FOXP2: variants seen among roughly 807,000 people sequenced by gnomAD.
FOXP2 encodes the protein forkhead box P2, also known as forkhead box protein P2.
Under a neutral mutation model 115.8 loss-of-function variants are expected in FOXP2, and 12 were observed. The observed-to-expected ratio is 0.10, with a 90% CI of 0.07 to 0.17. FOXP2 has a LOEUF of 0.17. FOXP2 is among the 10% of genes least tolerant of loss of function. The pLI, the probability that FOXP2 is intolerant of heterozygous loss-of-function variation, is 1.00. For missense variants in FOXP2, 629 were observed against 843.5 expected (o/e 0.75, Z 3.15); for synonymous variants, 328 against 297.7 (o/e 1.10, Z -1.05).
upstream of FOXP2, among the ~76,000 whole-genome samples, chr7:114,087,370 C>T (rs986358747): frequency 6.6e-6 from 1 of 152,122 alleles, no homozygotes; most frequent in Non-Finnish European, 1.5e-5. Flanking sequence ...CGACCGGCTT[C>T]CCCCGGTGTC....
intron 2 of FOXP2, among the ~76,000 whole-genome samples, chr7:114,437,396 G>A (rs537674302): frequency 3.0e-4 from 46 of 152,064 alleles, no homozygotes; most frequent in Middle Eastern, 3.2e-3. Context: ...TTAGATGATC[G>A]TTACCTCTTT....
intron 1 of FOXP2, among the ~76,000 whole-genome samples, chr7:114,122,964 GT>G (rs1390439788): frequency 1.3e-5 from 2 of 151,762 alleles, no homozygotes; most frequent in Admixed American, 6.6e-5. Flanking sequence ...ATTCTGCCTT[GT>G]TTTGCAGCTG....
intron 2 of FOXP2, among the ~76,000 whole-genome samples, chr7:114,361,801 C>G (rs1416233095): frequency 1.3e-5 from 2 of 152,028 alleles, no homozygotes; most frequent in Non-Finnish European, 2.9e-5. Context: ...AAAAAAGCAG[C>G]TAAGTGGCTT....
intron 10 of FOXP2, chr7:114,656,366 A>T (rs1403759057): frequency 1.6e-5 from 3 of 188,302 alleles, no homozygotes; most frequent in African/African-American, 7.2e-5. Context: ...CATATTTTTA[A>T]CATACAAGTA....
chr7:114,670,086 T>A (rs1054858535), intron 16 of FOXP2: 8 of 152,126 alleles, frequency 5.3e-5, no homozygotes, highest in Admixed American at 1.3e-4. Flanking sequence ...TCAGATCCTT[T>A]CTTATATGTC....
intron 1 of FOXP2, among the ~76,000 whole-genome samples, chr7:114,227,023 C>G (rs1794762919): frequency 6.6e-6 from 1 of 152,064 alleles, no homozygotes; most frequent in Admixed American, 6.6e-5. Flanking sequence ...AAAAGTCAAT[C>G]TTTTTCTCCC....
At chr7:114,256,054 C>T (rs1795602657) in intron 1 of FOXP2, among the ~76,000 whole-genome samples, 1 of 152,110 alleles carries the variant, frequency 6.6e-6, no homozygotes, top group Non-Finnish European at 1.5e-5. Flanking sequence ...ACAGCAGGCT[C>T]TTGTTTCTTC....
chr7:114,086,358 C>T, upstream of FOXP2: 1 of 407,000 alleles, frequency 2.5e-6, no homozygotes, highest in Non-Finnish European at 4.9e-6. Context: ...GCGCGTGCAG[C>T]TCCGCGGCCG....
rs1792141341 is a variant in FOXP2, at chr7:114,376,553, C to G, written c.-10-49949C>G. ...TGTTCTGGACTCTAAATGTATAAAGCTGTGTTAGATTTTTTTCACACCTGG... is the reference window on the plus strand; with the variant it reads ...TGTTCTGGACTCTAAATGTATAAAGGTGTGTTAGATTTTTTTCACACCTGG... On this transcript the variant is annotated intron_variant, in intron 2 of 17. Transcript: ENST00000634411. 3.3e-5 allele frequency among the ~76,000 whole-genome samples: 5 copies of G among 152,298 alleles called. No homozygotes were observed. The South Asian group carries it at 8.3e-4, about 25-fold the overall frequency.
rs542611549 is a variant in FOXP2, at chr7:114,333,660, G to A, written c.-11+45551G>A. On this transcript the variant is annotated intron_variant, in intron 2 of 17. Transcript: ENST00000634411. ...GCAGCACGTTGGAAGGCTAAGGTGGGCAGATCATTTGAGGCCAGGAGTTTG... is the reference window on the plus strand; with the variant it reads ...GCAGCACGTTGGAAGGCTAAGGTGGACAGATCATTTGAGGCCAGGAGTTTG... 2.5e-4 allele frequency among the ~76,000 whole-genome samples: 38 copies of A among 152,308 alleles called. No homozygotes were observed. In the South Asian group the frequency reaches 6.4e-3, roughly 26 times the overall value.
intron 1 of FOXP2, among the ~76,000 whole-genome samples, chr7:114,222,830 T>A (rs1308509278): frequency 6.6e-6 from 1 of 152,186 alleles, no homozygotes; most frequent in East Asian, 1.9e-4. Flanking sequence ...CAGGTGAGAA[T>A]GCAAGCATGA....
chr7:114,506,753 A>C (rs944844901), intron 2 of FOXP2, among the ~76,000 whole-genome samples: 1 of 151,772 alleles, frequency 6.6e-6, no homozygotes, highest in Non-Finnish European at 1.5e-5. Context: ...GTACAAATTC[A>C]AAGTTCACAA....
At position 114,652,206 on chromosome 7, in the gene FOXP2, C is replaced by T. The variant is rs1283731695; in HGVS notation, c.1098C>T (p.His366=). 2 of 1,612,726 alleles carry T rather than the reference C, an allele frequency of 1.2e-6. No individual in the cohort carries two copies. Among genetic ancestry groups the T allele is most frequent in the Admixed American group, 1.7e-5 (1 of 59,864 alleles). Reference sequence around the variant, plus strand: ...TTTGTGTCTTCTGTTTGTTTAGGCACCTTAACAATGAACACGCATTGGATG... The same window carrying T: ...TTTGTGTCTTCTGTTTGTTTAGGCATCTTAACAATGAACACGCATTGGATG... ...ICEDFGQFLK[H]LNNEHALDDR... is the part of the protein sequence containing the mutation. Residue 366 remains histidine (H), a synonymous_variant, in exon 9 of 17, where the codon CAC becomes CAT. Transcript: ENST00000350908.
intron 2 of FOXP2, among the ~76,000 whole-genome samples, chr7:114,303,314 G>A (rs1401896250): frequency 6.6e-6 from 1 of 152,136 alleles, no homozygotes; most frequent in Non-Finnish European, 1.5e-5. Context: ...AGGTATGATT[G>A]AAGGCAATGA....
intron 2 of FOXP2, among the ~76,000 whole-genome samples, chr7:114,490,441 G>A (rs1245405494): frequency 6.6e-6 from 1 of 152,084 alleles, no homozygotes; most frequent in Non-Finnish European, 1.5e-5. Context: ...GGAGCACACA[G>A]AACTTTTAGG....
chr7:114,219,796 T>C (rs1045877646), intron 1 of FOXP2, among the ~76,000 whole-genome samples: 10 of 152,162 alleles, frequency 6.6e-5, no homozygotes, highest in African/African-American at 1.7e-4. Flanking sequence ...GATCATTACA[T>C]TGTAACCATA....
At chr7:114,266,083 C>A (rs943793278) in intron 1 of FOXP2, among the ~76,000 whole-genome samples, 5 of 150,172 alleles carry the variant, frequency 3.3e-5, no homozygotes, top group Non-Finnish European at 5.9e-5. Flanking sequence ...AAAAAAAAAA[C>A]AAAAAACTGG....
chr7:114,195,037 A>G (rs942442499), intron 1 of FOXP2, among the ~76,000 whole-genome samples: 2 of 152,176 alleles, frequency 1.3e-5, no homozygotes, highest in African/African-American at 4.8e-5. Flanking sequence ...AAATGCATTT[A>G]AACCAAACTC....
chr7:114,606,348 T>C (rs987560211), intron 3 of FOXP2, among the ~76,000 whole-genome samples: 3 of 152,262 alleles, frequency 2.0e-5, no homozygotes, highest in Admixed American at 6.5e-5. Flanking sequence ...CAAGGGCCGG[T>C]AGATAAGTTA....
Sources: gnomAD v4.1 joint callset for allele counts (sites outside exome capture counted in the v4.1 genomes callset) on GRCh38, gnomAD v4.1.1 for gene constraint, MANE v1.5 for transcripts, NCBI Gene and HGNC (gene_info 2026-07-23, HGNC 2026-07-21) for gene names.